Variants in ANTXR1 observed in about 807,000 individuals in gnomAD.
ANTXR1 encodes the protein ANTXR cell adhesion molecule 1, also known as anthrax toxin receptor 1.
A neutral mutation model predicts 78.1 loss-of-function variants in ANTXR1; 19 were observed. The observed-to-expected ratio is 0.24, with a 90% CI of 0.17 to 0.36. The LOEUF is 0.36. Among genes scored for constraint, ANTXR1 ranks in the 10% least tolerant of loss-of-function variants. The pLI is 1.00. For synonymous variants in ANTXR1, 273 were observed against 260.5 expected, an observed-to-expected ratio of 1.05 and a Z score of -0.46; for missense variants, 518 against 718.6, an observed-to-expected ratio of 0.72 and a Z score of 3.19.
rs570330097 is a variant in ANTXR1, at chr2:69,023,294, G to A, written c.152+9643G>A. Among the ~76,000 whole-genome samples, 5 of 152,028 alleles carry A rather than the reference G, an allele frequency of 3.3e-5. No homozygotes were observed. The East Asian group carries it at 9.7e-4, about 29-fold the overall frequency. The stretch of plus-strand genomic sequence containing the variant: ...GATGGTTATGGTGGTGGAGGTGGAC[G>A]TGATGATAAAGATGATGGTGATGGT... On this transcript the variant is annotated intron_variant, in intron 1 of 17. Coordinates refer to ENST00000303714, the MANE Select transcript of ANTXR1 (RefSeq NM_032208.3).
chr2:69,075,551 C>G (rs758018780), intron 6 of ANTXR1, 39 bp from the exon 7 acceptor site: 3 of 1,602,816 alleles, frequency 1.9e-6, no homozygotes, highest in Non-Finnish European at 2.6e-6. Flanking sequence ...TCATTTGTCA[C>G]TGCTTCTCTT....
intron 1 of ANTXR1, among the ~76,000 whole-genome samples, chr2:69,032,524 C>G (rs1353018025): frequency 3.3e-5 from 5 of 152,130 alleles, no homozygotes; most frequent in Admixed American, 2.0e-4. Context: ...TTGACCCATC[C>G]CCCTTTGATC....
intron 9 of ANTXR1, among the ~76,000 whole-genome samples, chr2:69,101,257 A>G (rs4076190): frequency 0.3 from 44,937 of 152,118 alleles, 6,808 homozygotes; most frequent in Non-Finnish European, 0.33. Flanking sequence ...TAAGCTTTAA[A>G]AAAAATCACA....
chr2:69,146,683 T>C (rs72901334), intron 12 of ANTXR1, among the ~76,000 whole-genome samples: 5,891 of 152,332 alleles, frequency 0.039, 360 homozygotes, highest in African/African-American at 0.13. Flanking sequence ...AGAAGGATCA[T>C]GGAGAATGAG....
intron 10 of ANTXR1, among the ~76,000 whole-genome samples, chr2:69,112,439 A>G (rs763509313): frequency 2.0e-5 from 3 of 152,030 alleles, no homozygotes; most frequent in Non-Finnish European, 4.4e-5. Flanking sequence ...GGGACCACTG[A>G]CTCCAAATGC....
At chr2:69,191,172 C>T (rs1674534969) in intron 16 of ANTXR1, among the ~76,000 whole-genome samples, 1 of 152,192 alleles carries the variant, frequency 6.6e-6, no homozygotes, top group South Asian at 2.1e-4. Flanking sequence ...ATTCTAAAAT[C>T]ATTTCAAAAT....
intron 1 of ANTXR1, among the ~76,000 whole-genome samples, chr2:69,018,601 T>C (rs545191012): frequency 3.8e-4 from 58 of 152,336 alleles, no homozygotes; most frequent in African/African-American, 1.2e-3. Context: ...AAAGACAACC[T>C]TGTTTGGTAG....
At chr2:69,161,186 A>G (rs1334012467) in intron 13 of ANTXR1, among the ~76,000 whole-genome samples, 1 of 152,224 alleles carries the variant, frequency 6.6e-6, no homozygotes, top group Non-Finnish European at 1.5e-5. Flanking sequence ...AGACTTTTGC[A>G]GTGACACTGG....
intron 13 of ANTXR1, among the ~76,000 whole-genome samples, chr2:69,158,063 C>G (rs1194287334): frequency 6.6e-6 from 1 of 152,190 alleles, no homozygotes; most frequent in East Asian, 1.9e-4. Context: ...ACTGATCATG[C>G]TGTGAAAATT....
chr2:69,224,543 T>G lies in ANTXR1; in HGVS notation c.1435-20682T>G, dbSNP rs545919837. Among the ~76,000 whole-genome samples, 5 of 152,232 alleles carry G rather than the reference T, an allele frequency of 3.3e-5. No individual in the cohort carries two copies. In the South Asian group the frequency reaches 1.0e-3, roughly 32 times the overall value. ...CCTGCAAGTGCCCTACTTCCAAGTT[T>G]CAGAACTTGGGCTTGCATTCCATTC... On this transcript the variant is annotated intron_variant, in intron 17 of 17. Transcript: ENST00000303714.
At chr2:69,087,043 A>G (rs1671073734) in intron 8 of ANTXR1, among the ~76,000 whole-genome samples, 1 of 152,224 alleles carries the variant, frequency 6.6e-6, no homozygotes, top group Non-Finnish European at 1.5e-5. Flanking sequence ...TAACCATCAT[A>G]CAGCCCCTTG....
At chr2:69,151,775 T>A (rs1352000282) in intron 12 of ANTXR1, among the ~76,000 whole-genome samples, 1 of 152,122 alleles carries the variant, frequency 6.6e-6, no homozygotes, top group Non-Finnish European at 1.5e-5. Context: ...CAGAGTACAA[T>A]GGTCCTGAGT....
chr2:69,108,587 T>C (rs1228244930), intron 10 of ANTXR1, among the ~76,000 whole-genome samples: 1 of 152,142 alleles, frequency 6.6e-6, no homozygotes, highest in Non-Finnish European at 1.5e-5. Flanking sequence ...CTAGTACCCA[T>C]TAGTTATTTT....
At chr2:69,188,546 G>A (rs1558633023) in intron 16 of ANTXR1, among the ~76,000 whole-genome samples, 1 of 152,220 alleles carries the variant, frequency 6.6e-6, no homozygotes. Context: ...ATACAGTTTG[G>A]GAGCATGGAA....
rs764280601 is a variant in ANTXR1 at position 69,013,688 on chromosome 2, A to AG, written c.152+38dup. 6.4e-7 allele frequency: 1 copy of AG among 1,551,340 alleles called. No individual in the cohort carries two copies. Among genetic ancestry groups the AG allele is most frequent in the South Asian group, 1.2e-5 (1 of 84,054 alleles). Reference sequence around the variant, plus strand: ...GAGTTGTCCCCCCCACCCCAGGCTAAGCGGGCGAAAACGCTTTCGCCCCGG... The same window carrying AG: ...GAGTTGTCCCCCCCACCCCAGGCTAAGGCGGGCGAAAACGCTTTCGCCCCGG... On this transcript the variant is annotated intron_variant, in intron 1 of 17. Transcript: ENST00000303714. This position sits in a 1 kb window ranked among gnomAD's most constrained non-coding sequence, Gnocchi z 5.0.
At chr2:69,066,333 G>T (rs1482345901) in intron 3 of ANTXR1, among the ~76,000 whole-genome samples, 1 of 151,182 alleles carries the variant, frequency 6.6e-6, no homozygotes, top group Non-Finnish European at 1.5e-5. Context: ...TTTTGCTCTT[G>T]TTCCCCAAGC....
At chr2:69,068,774 G>A (rs1044695462) in intron 3 of ANTXR1, among the ~76,000 whole-genome samples, 2 of 152,204 alleles carry the variant, frequency 1.3e-5, no homozygotes, top group Non-Finnish European at 2.9e-5. Context: ...GGAAAAGGGG[G>A]CAAGAGGCCA....
intron 17 of ANTXR1, among the ~76,000 whole-genome samples, chr2:69,210,915 G>T (rs1195165052): frequency 7.6e-6 from 1 of 131,340 alleles, no homozygotes; most frequent in Non-Finnish European, 1.5e-5. Flanking sequence ...CAGCCTGGGC[G>T]ACAGAGTGAG....
At chr2:69,187,515 C>T (rs994617455) in intron 16 of ANTXR1, among the ~76,000 whole-genome samples, 5 of 149,648 alleles carry the variant, frequency 3.3e-5, no homozygotes, top group Admixed American at 6.6e-5. Flanking sequence ...AAGTTTCTGA[C>T]GTTATCCGTT....
Sources: allele counts gnomAD v4.1 joint callset (sites outside exome capture counted in the v4.1 genomes callset), GRCh38; gene constraint gnomAD v4.1.1; non-coding constraint Gnocchi (gnomAD v3.1); transcripts MANE v1.5; gene names NCBI Gene and HGNC (gene_info 2026-07-23, HGNC 2026-07-21).